The following EYS variants were observed in gnomAD, a reference collection of about 807,000 sequenced individuals.
EYS encodes the protein protein eyes shut homolog.
EYS carries 250 observed loss-of-function variants against 282.1 expected under a neutral mutation model. That is an observed-to-expected ratio of 0.89 (90% CI 0.80 to 0.98). The LOEUF is 0.98. Ranked by LOEUF, EYS falls within the 50% of genes least tolerant of loss-of-function variation. The pLI is 0.00. For missense variants in EYS, 4,016 were observed against 3,709.0 expected (o/e 1.08, Z -2.15); for synonymous variants, 1,355 against 1,282.9 (o/e 1.06, Z -1.20).
At chr6:65,517,514 A>G (rs1767187194) in intron 2 of EYS, among the ~76,000 whole-genome samples, 2 of 152,176 alleles carry the variant, frequency 1.3e-5, no homozygotes, top group African/African-American at 4.8e-5. Context: ...ATGTAAAGTG[A>G]GGTTACGGGT....
At chr6:64,193,365 C>T (rs1360427233) in intron 31 of EYS, among the ~76,000 whole-genome samples, 4 of 151,862 alleles carry the variant, frequency 2.6e-5, no homozygotes, top group Admixed American at 2.0e-4. Context: ...GGCTGGAGTG[C>T]AGTGGCGTGA....
chr6:64,043,052 T>C (rs2149838465), intron 33 of EYS, among the ~76,000 whole-genome samples: 1 of 152,328 alleles, frequency 6.6e-6, no homozygotes, highest in Non-Finnish European at 1.5e-5. Flanking sequence ...GTATTTTTCT[T>C]ATAGAGTTGT....
At chr6:64,110,196 A>G (rs114888781) in intron 31 of EYS, among the ~76,000 whole-genome samples, 2 of 152,110 alleles carry the variant, frequency 1.3e-5, no homozygotes, top group African/African-American at 4.8e-5. Flanking sequence ...GTAAGCATGG[A>G]GGAAATTTAA....
intron 29 of EYS, among the ~76,000 whole-genome samples, chr6:64,355,395 A>C: frequency 6.6e-6 from 1 of 151,718 alleles, no homozygotes; most frequent in African/African-American, 2.4e-5. Context: ...GAATTAAGAT[A>C]ACATTAAAAA....
intron 2 of EYS, among the ~76,000 whole-genome samples, chr6:65,584,612 A>G (rs1007916169): frequency 5.3e-5 from 8 of 151,814 alleles, no homozygotes; most frequent in African/African-American, 1.7e-4. Context: ...CAAACGAATC[A>G]TTTTTCTTTG....
intron 35 of EYS, among the ~76,000 whole-genome samples, chr6:63,950,619 G>T (rs1456937053): frequency 6.6e-6 from 1 of 152,098 alleles, no homozygotes; most frequent in East Asian, 1.9e-4. Context: ...TGGATCAGGG[G>T]ACCTCCCTTG....
intron 31 of EYS, among the ~76,000 whole-genome samples, chr6:64,196,926 C>A (rs1228151158): frequency 6.6e-6 from 1 of 151,096 alleles, no homozygotes; most frequent in African/African-American, 2.4e-5. Context: ...TATTTGAAGT[C>A]ATTAAGAATA....
intron 24 of EYS, among the ~76,000 whole-genome samples, chr6:64,604,726 A>C (rs1766869631): frequency 6.6e-6 from 1 of 152,026 alleles, no homozygotes; most frequent in African/African-American, 2.4e-5. Context: ...TAGCAGACTA[A>C]AGAATGCAGG....
chr6:64,772,383 A>G (rs1411973269), intron 22 of EYS, among the ~76,000 whole-genome samples: 4 of 151,738 alleles, frequency 2.6e-5, no homozygotes, highest in Non-Finnish European at 5.9e-5. Context: ...GTAGTTACAT[A>G]GTTTTTGTAT....
chr6:65,118,106 A>T (rs935905694), intron 12 of EYS, among the ~76,000 whole-genome samples: 2 of 152,180 alleles, frequency 1.3e-5, no homozygotes, highest in African/African-American at 4.8e-5. Flanking sequence ...GAAGAAAGTT[A>T]ACTGAGATTC....
intron 15 of EYS, among the ~76,000 whole-genome samples, chr6:64,922,338 T>C (rs1583296286): frequency 6.6e-6 from 1 of 152,298 alleles, no homozygotes; most frequent in East Asian, 1.9e-4. Flanking sequence ...TTTGAAGAAC[T>C]AAATTTAAAG....
intron 23 of EYS, among the ~76,000 whole-genome samples, chr6:64,624,056 C>A (rs1289866081): frequency 6.6e-6 from 1 of 152,138 alleles, no homozygotes; most frequent in Non-Finnish European, 1.5e-5. Context: ...ACTTAGTTTT[C>A]ACTCCCATGA....
chr6:65,287,949 G>A (rs1449980460), intron 12 of EYS, among the ~76,000 whole-genome samples: 3 of 150,988 alleles, frequency 2.0e-5, no homozygotes, highest in Non-Finnish European at 4.5e-5. Context: ...TCAAAGTCCA[G>A]GGATCAAAGT....
chr6:63,745,396 G>A (rs1769187554), intron 41 of EYS, among the ~76,000 whole-genome samples: 1 of 152,196 alleles, frequency 6.6e-6, no homozygotes, highest in Non-Finnish European at 1.5e-5. Context: ...AGCTGAAAGA[G>A]GAAAAGAAGA....
chr6:64,212,210 C>G (rs1453722610), intron 31 of EYS, among the ~76,000 whole-genome samples: 2 of 151,752 alleles, frequency 1.3e-5, no homozygotes, highest in African/African-American at 4.8e-5. Context: ...ATAATCTCAT[C>G]TAGAGAGAAA....
intron 12 of EYS, among the ~76,000 whole-genome samples, chr6:65,104,227 T>C (rs906564914): frequency 2.0e-5 from 3 of 151,480 alleles, no homozygotes; most frequent in African/African-American, 4.8e-5. Flanking sequence ...TAACGATTCT[T>C]TTCTGAATGT....
chr6:64,070,539 A>G (rs1268614624), intron 32 of EYS, among the ~76,000 whole-genome samples: 1 of 152,040 alleles, frequency 6.6e-6, no homozygotes, highest in Non-Finnish European at 1.5e-5. Flanking sequence ...CTTTTTCAGA[A>G]AATAGCTGCC....
intron 19 of EYS, among the ~76,000 whole-genome samples, chr6:64,824,322 T>A (rs968364513): frequency 1.3e-5 from 2 of 151,896 alleles, no homozygotes; most frequent in Non-Finnish European, 2.9e-5. Context: ...TTTGTAACAA[T>A]AAAATTGAGT....
At chr6:64,394,234 C>G (rs888173327) in intron 28 of EYS, among the ~76,000 whole-genome samples, 8 of 152,126 alleles carry the variant, frequency 5.3e-5, no homozygotes, top group Non-Finnish European at 1.0e-4. Flanking sequence ...TCATTGCCAT[C>G]CCCATCAAGC....
Sources: gnomAD v4.1 joint callset for allele counts (sites outside exome capture counted in the v4.1 genomes callset) on GRCh38, gnomAD v4.1.1 for gene constraint, MANE v1.5 for transcripts, NCBI Gene and HGNC (gene_info 2026-07-23, HGNC 2026-07-21) for gene names.